KCNQ1: variants seen among roughly 807,000 people sequenced by gnomAD.
KCNQ1 encodes potassium voltage-gated channel subfamily Q member 1.
A neutral mutation model predicts 72.4 loss-of-function variants in KCNQ1; 49 were observed. That is an observed-to-expected ratio of 0.68 (90% CI 0.54 to 0.86). The LOEUF is 0.86. KCNQ1 is among the 40% of genes least tolerant of loss of function. The probability of loss-of-function intolerance (pLI) is 0.00; values close to 1 mark genes in which losing one functional copy is unlikely to be tolerated. For missense variants in KCNQ1, 790 were observed against 945.1 expected, an observed-to-expected ratio of 0.84 and a Z score of 2.15; for synonymous variants, 450 against 412.6, an observed-to-expected ratio of 1.09 and a Z score of -1.10.
At chr11:2,474,008 C>A (rs762562524) in intron 1 of KCNQ1, among the ~76,000 whole-genome samples, 6 of 152,238 alleles carry the variant, frequency 3.9e-5, no homozygotes, top group African/African-American at 1.4e-4. Flanking sequence ...GCCGGGCCAA[C>A]CTGCTGCTTG....
intron 10 of KCNQ1, chr11:2,615,890 C>T: frequency 2.5e-6 from 1 of 397,974 alleles, no homozygotes; most frequent in Non-Finnish European, 4.4e-6. Context: ...GAATGTATTG[C>T]AAAGTTTTTT....
chr11:2,833,621 T>C (rs1415034304), intron 15 of KCNQ1, among the ~76,000 whole-genome samples: 1 of 152,146 alleles, frequency 6.6e-6, no homozygotes, highest in African/African-American at 2.4e-5. Context: ...GCTTCCCCGC[T>C]TCACTCCATT....
chr11:2,819,440 T>G (rs1005527268), intron 15 of KCNQ1, among the ~76,000 whole-genome samples: 7 of 152,154 alleles, frequency 4.6e-5, no homozygotes, highest in Non-Finnish European at 1.0e-4. Context: ...AAAACACACC[T>G]GAAACAGCAG....
intron 11 of KCNQ1, chr11:2,697,553 T>G (rs1030811495): frequency 5.0e-5 from 20 of 398,526 alleles, no homozygotes; most frequent in Middle Eastern, 1.2e-3. Context: ...TGCTAAGTGG[T>G]GTACTCCACT....
chr11:2,608,203 T>C lies in KCNQ1; in HGVS notation c.1393+19349T>C. The stretch of plus-strand genomic sequence containing the variant: ...GGAAGAGGTCATAAAGAATTGATAT[T>C]CTTTAGATATTTGTTAGATTCACTC... On this transcript the variant is annotated intron_variant, in intron 10 of 15. Coordinates refer to ENST00000155840, the MANE Select transcript of KCNQ1 (RefSeq NM_000218.3). This position sits in a 1 kb window ranked among gnomAD's most constrained non-coding sequence, Gnocchi z 4.6. 1 of 391,898 alleles carries C rather than the reference T, an allele frequency of 2.6e-6. No homozygotes were observed. The highest frequency in any genetic ancestry group is 4.5e-6 in the Non-Finnish European group (1 of 222,400). The allele number at this position is 391,898 out of a possible 1,614,324, so 24.3% of individuals were successfully genotyped here. A position where few individuals can be genotyped will look rare whatever the true frequency, so the allele number is the denominator to read the frequency against.
chr11:2,649,866 A>C, intron 10 of KCNQ1: 1 of 398,362 alleles, frequency 2.5e-6, no homozygotes, highest in East Asian at 3.6e-5. Context: ...TTCAGGTATT[A>C]TCTTCTTAAA....
In KCNQ1 at chr11:2,612,840, A is replaced by G; in HGVS notation, c.1393+23986A>G. The G allele has an allele frequency of 2.5e-6, 1 of 398,544 alleles. No individual in the cohort carries two copies. The highest frequency in any genetic ancestry group is 3.6e-5 in the East Asian group (1 of 28,064). 24.7% of individuals were successfully genotyped at this position (398,544 alleles called of 1,614,324 possible). ...GTTAAAAACTTACTTTAGATAATAT[A>G]TCGTAGAAACTCTGGATTCTAGTTC... On this transcript the variant is annotated intron_variant, in intron 10 of 15. Coordinates refer to ENST00000155840, the MANE Select transcript of KCNQ1 (RefSeq NM_000218.3). This position sits in a 1 kb window ranked among gnomAD's most constrained non-coding sequence, Gnocchi z 5.5.
chr11:2,587,504 AG>A, intron 8 of KCNQ1, 65 bp from the exon 9 acceptor site: 1 of 1,607,574 alleles, frequency 6.2e-7, no homozygotes, highest in Non-Finnish European at 8.5e-7. Flanking sequence ...GGGGAGCTGT[AG>A]CTTCCATAAG....
Position 2,538,350 on chromosome 11 carries a change from C to G in KCNQ1, c.477+10332C>G, listed in dbSNP as rs1307099112. Among the ~76,000 whole-genome samples the G allele has an allele frequency of 3.3e-5, 5 of 152,098 alleles. No homozygotes were observed. The highest frequency in any genetic ancestry group is 1.2e-4 in the African/African-American group (5 of 41,418). ...GCTTGGGGACAGTCCCCTGGCCCCA[C>G]GGATGTTGTGTGGACGAGTTGGAGG... On this transcript the variant is annotated intron_variant, in intron 2 of 15. Coordinates refer to ENST00000155840, the MANE Select transcript of KCNQ1 (RefSeq NM_000218.3). This position sits in a 1 kb window ranked among gnomAD's most constrained non-coding sequence, Gnocchi z 6.7.
At position 2,547,211 on chromosome 11, in the gene KCNQ1, G is replaced by A. The variant is rs1392092434; in HGVS notation, c.477+19193G>A. Among the ~76,000 whole-genome samples, 1 of 152,092 alleles carries A rather than the reference G, an allele frequency of 6.6e-6. No homozygotes were observed. The highest frequency in any genetic ancestry group is 2.4e-5 in the African/African-American group (1 of 41,396). On this transcript the variant is annotated intron_variant, in intron 2 of 15. Coordinates refer to ENST00000155840, the MANE Select transcript of KCNQ1 (RefSeq NM_000218.3). This position sits in a 1 kb window ranked among gnomAD's most constrained non-coding sequence, Gnocchi z 4.2. ...ATTATTTTCTTTTAAAAACATTTGG[G>A]TAATTAGGAGGTTGTATTATTTATT...
chr11:2,775,966 C>G lies in KCNQ1; in HGVS notation c.1597C>G (p.Arg533Gly). Residue 533 changes from arginine (R) to glycine (G), a missense_variant, in exon 13 of 16, where the codon CGG (arginine) becomes GGG (glycine). This residue lies in a region of KCNQ1 where 91 missense variants were observed against 139.1 expected (regional missense o/e 0.65). Coordinates refer to ENST00000155840, the MANE Select transcript of KCNQ1 (RefSeq NM_000218.3). Reference protein sequence around the residue: ...FVAKKKFQQARKPYDVRDVIE... With the variant: ...FVAKKKFQQAGKPYDVRDVIE... The stretch of plus-strand genomic sequence containing the variant: ...GTGTCTTTTTGTCCCGCAGCAAGCG[C>G]GGAAGCCTTACGATGTGCGGGACGT... 6.4e-7 allele frequency: 1 copy of G among 1,560,024 alleles called. No homozygotes were observed. The highest frequency in any genetic ancestry group is 8.7e-7 in the Non-Finnish European group (1 of 1,151,836).
intron 11 of KCNQ1, chr11:2,686,938 G>A (rs1850499748): frequency 5.0e-6 from 2 of 398,536 alleles, no homozygotes; most frequent in Middle Eastern, 6.2e-4. Flanking sequence ...TCCGTGATGC[G>A]GAGCATGCCC....
chr11:2,618,233 CCCGGG>C, intron 10 of KCNQ1: 2 of 398,450 alleles, frequency 5.0e-6, no homozygotes, highest in Non-Finnish European at 8.8e-6. Flanking sequence ...CTTTTGGCTT[CCCGGG>C]GCCACACTGT....
chr11:2,751,256 T>G (rs1013043249), intron 11 of KCNQ1, among the ~76,000 whole-genome samples: 8 of 152,190 alleles, frequency 5.3e-5, no homozygotes, highest in Non-Finnish European at 8.8e-5. Flanking sequence ...CCAACTAGCA[T>G]GGGAATCAGT....
At chr11:2,648,154 A>G (rs576677943) in intron 10 of KCNQ1, 20 of 394,478 alleles carry the variant, frequency 5.1e-5, no homozygotes, top group East Asian at 3.6e-4. Flanking sequence ...ACAGTGAGCC[A>G]AGATCACACC....
rs1237323605 is a variant in KCNQ1, at chr11:2,676,802, T to C, written c.1514+14721T>C. ...GAAGAGAATGGAGTGATGGCCAGTG[T>C]ATTGTGCTGGGATCTACCACAGGGG... On this transcript the variant is annotated intron_variant, in intron 11 of 15. Transcript: ENST00000155840. This position sits in a 1 kb window ranked among gnomAD's most constrained non-coding sequence, Gnocchi z 4.2. The C allele has an allele frequency of 2.5e-6, 1 of 398,482 alleles. No individual in the cohort carries two copies. Among genetic ancestry groups the C allele is most frequent in the Non-Finnish European group, 4.4e-6 (1 of 226,070 alleles). 24.7% of individuals were successfully genotyped at this position (398,482 alleles called of 1,614,324 possible). A position where few individuals can be genotyped will look rare whatever the true frequency, so the allele number is the denominator to read the frequency against.
rs1328112333 is a variant in KCNQ1, at chr11:2,653,699, C to T, written c.1394-8262C>T. ...CAACAGCTCAGGAAGCCCAGCAGAA[C>T]GAGGTCATCTCTTCCAGGATTCCTG... On this transcript the variant is annotated intron_variant, in intron 10 of 15. Coordinates refer to ENST00000155840, the MANE Select transcript of KCNQ1 (RefSeq NM_000218.3). This position sits in a 1 kb window ranked among gnomAD's most constrained non-coding sequence, Gnocchi z 5.3. 18 of 398,568 alleles carry T rather than the reference C, an allele frequency of 4.5e-5. No homozygotes were observed. In the South Asian group the frequency reaches 1.4e-3, roughly 31 times the overall value. 24.7% of individuals were successfully genotyped at this position (398,568 alleles called of 1,614,324 possible). A position where few individuals can be genotyped will look rare whatever the true frequency, so the allele number is the denominator to read the frequency against.
intron 10 of KCNQ1, chr11:2,644,703 GA>G: frequency 2.5e-6 from 1 of 398,564 alleles, no homozygotes. Context: ...TCTTTCCTAA[GA>G]GAGTCTTGTT....
At position 2,564,455 on chromosome 11, in the gene KCNQ1, G is replaced by A. The variant is rs1371517735; in HGVS notation, c.478-6173G>A. On this transcript the variant is annotated intron_variant, in intron 2 of 15. Coordinates refer to ENST00000155840, the MANE Select transcript of KCNQ1 (RefSeq NM_000218.3). The surrounding 1 kb of genome is among the most constrained non-coding windows in gnomAD (Gnocchi z 4.5). ...CTAATAATACAAAAAGATTAGCCGG[G>A]TGTGGTGGTGGGTGCCTCTAATCCA... 1.3e-5 allele frequency among the ~76,000 whole-genome samples: 2 copies of A among 152,262 alleles called. No homozygotes were observed. Among genetic ancestry groups the A allele is most frequent in the Admixed American group, 6.5e-5 (1 of 15,300 alleles).
Sources: allele counts gnomAD v4.1 joint callset (sites outside exome capture counted in the v4.1 genomes callset), GRCh38; gene constraint gnomAD v4.1.1; regional missense constraint gnomAD v4.1.1; non-coding constraint Gnocchi (gnomAD v3.1); transcripts MANE v1.5; gene names NCBI Gene and HGNC (gene_info 2026-07-23, HGNC 2026-07-21).